GPC3: variants seen among roughly 807,000 people sequenced by gnomAD.
GPC3 encodes the protein glypican 3.
A neutral mutation model predicts 34.4 loss-of-function variants in GPC3; 3 were observed. The ratio of observed to expected loss-of-function variants is 0.09; its 90% CI spans 0.04 to 0.23. The LOEUF (loss-of-function observed/expected upper bound fraction) is 0.23, where lower values mean the gene tolerates loss of function less well. Ranked by LOEUF, GPC3 falls within the 10% of genes least tolerant of loss-of-function variation. The probability of loss-of-function intolerance (pLI) is 1.00; values close to 1 mark genes in which losing one functional copy is unlikely to be tolerated. For missense variants in GPC3, 351 were observed against 445.6 expected (o/e 0.79, Z 1.91); for synonymous variants, 177 against 174.0 (o/e 1.02, Z -0.13).
chrX:133,753,914 T>C lies in GPC3; in HGVS notation c.600A>G (p.Gly200=). The change falls in exon 3 of 8, where the codon GGA becomes GGG. Residue 200 remains glycine, a synonymous_variant. Transcript: ENST00000370818. ...SALDINECLR[G]ARRDLKVFGN... is the part of the protein sequence containing the mutation. ...CAAATACTTTCAGGTCACGTCTTGC[T>C]CCTCGGAGGCACTCATTGATGTCCA... 2 of 1,211,554 alleles carry C rather than the reference T, an allele frequency of 1.7e-6. No homozygotes were observed. Among genetic ancestry groups the C allele is most frequent in the Non-Finnish European group, 2.2e-6 (2 of 895,338 alleles).
chrX:133,687,818 T>C (rs1245910024), intron 5 of GPC3, among the ~76,000 whole-genome samples: 1 of 112,056 alleles, frequency 8.9e-6, no homozygotes, highest in Non-Finnish European at 1.9e-5. Flanking sequence ...AGTTCCTGTG[T>C]TATACTAATT....
chrX:133,538,554 C>T (rs2069314212), intron 7 of GPC3, among the ~76,000 whole-genome samples: 1 of 110,812 alleles, frequency 9.0e-6, no homozygotes, highest in Non-Finnish European at 1.9e-5. Flanking sequence ...TAACTTTCAA[C>T]AGTTTTGTTT....
chrX:133,841,215 A>ATTCTTTTTTTTTTTTTTTTTTTTTT (rs2075822501), intron 2 of GPC3, among the ~76,000 whole-genome samples: 1 of 39,248 alleles, frequency 2.5e-5, no homozygotes, highest in Non-Finnish European at 5.4e-5. Flanking sequence ...TAATCTTTTA[A>ATTCTTTTTTTTTTTTTTTTTTTTTT]TTTTTTTTTT....
intron 6 of GPC3, among the ~76,000 whole-genome samples, chrX:133,643,831 G>GTTTTTTTTTTTTTTTTTTTTT (rs778326133): frequency 3.1e-5 from 3 of 96,998 alleles, no homozygotes; most frequent in African/African-American, 1.2e-4. Context: ...TTGTTTTTAT[G>GTTTTTTTTTTTTTTTTTTTTT]TTTTTTTTTT....
At chrX:133,651,237 G>A (rs182972560) in intron 6 of GPC3, among the ~76,000 whole-genome samples, 38 of 108,634 alleles carry the variant, frequency 3.5e-4, no homozygotes, top group African/African-American at 1.3e-3. Flanking sequence ...AGGCTGGAGT[G>A]CAGTGGCGCG....
At chrX:133,936,522 G>A (rs148557001) in intron 2 of GPC3, among the ~76,000 whole-genome samples, 126 of 111,268 alleles carry the variant, frequency 1.1e-3, no homozygotes, top group African/African-American at 3.8e-3. Flanking sequence ...TGCTAACAAC[G>A]GCTTGTGAAA....
At chrX:133,581,068 C>T (rs766397779) in intron 7 of GPC3, among the ~76,000 whole-genome samples, 158 of 112,439 alleles carry the variant, frequency 1.4e-3, no homozygotes, top group African/African-American at 4.8e-3. Flanking sequence ...TCTTCTACAG[C>T]GAGGCTGAAC....
At chrX:133,671,027 G>T in intron 5 of GPC3, 1 of 550,713 alleles carries the variant, frequency 1.8e-6, no homozygotes, top group South Asian at 2.3e-5. Context: ...GACTACTTCA[G>T]GGGAAACAAA....
At chrX:133,800,511 G>A (rs2075603861) in intron 2 of GPC3, among the ~76,000 whole-genome samples, 1 of 112,062 alleles carries the variant, frequency 8.9e-6, no homozygotes, top group African/African-American at 3.2e-5. Context: ...TTATTATGGT[G>A]TCAGGAGACG....
At chrX:133,679,375 T>C (rs779847518) in intron 5 of GPC3, among the ~76,000 whole-genome samples, 144 of 111,373 alleles carry the variant, frequency 1.3e-3, no homozygotes, top group Non-Finnish European at 1.7e-3. Flanking sequence ...CTCATATGCG[T>C]TTTCTTATTG....
intron 6 of GPC3, among the ~76,000 whole-genome samples, chrX:133,654,322 TAC>T (rs1001835376): frequency 9.0e-6 from 1 of 111,669 alleles, no homozygotes. Flanking sequence ...AGTATTTGAA[TAC>T]ACACACACAT....
intron 2 of GPC3, among the ~76,000 whole-genome samples, chrX:133,791,827 TCCTTCCTTCCTTCCTTCCTTCCTC>T (rs1278071362): frequency 1.5e-4 from 14 of 95,756 alleles, no homozygotes; most frequent in African/African-American, 3.5e-4. Flanking sequence ...CTTCCTTCCT[TCCTTCCTTCCTTCCTTCCTTCCTC>T]CCTCCCTCCC....
At chrX:133,889,279 C>G (rs1211753546) in intron 2 of GPC3, among the ~76,000 whole-genome samples, 1 of 112,268 alleles carries the variant, frequency 8.9e-6, no homozygotes, top group Admixed American at 9.5e-5. Context: ...AAGTTGTTTG[C>G]TCTCAAACAT....
chrX:133,754,896 C>A (rs139043678), intron 2 of GPC3, among the ~76,000 whole-genome samples: 1 of 112,196 alleles, frequency 8.9e-6, no homozygotes, highest in African/African-American at 3.2e-5. Context: ...ACTAAGCTTC[C>A]TTGCTAAGTT....
rs182955046 is a variant in GPC3 at position 133,714,240 on chromosome X, T to G, written c.1033-14212A>C. 3.6e-5 allele frequency among the ~76,000 whole-genome samples: 4 copies of G among 111,690 alleles called. No homozygotes were observed. In the Admixed American group the frequency reaches 3.8e-4, roughly 11 times the overall value. ...AAACCAGATTGAGTGCAGAAGAAGA[T>G]ACGAGAATCCAGCTGTCTACCATTA... On this transcript the variant is annotated intron_variant, in intron 3 of 7. Transcript: ENST00000370818.
intron 2 of GPC3, among the ~76,000 whole-genome samples, chrX:133,821,906 G>A (rs141020998): frequency 2.5e-3 from 276 of 111,454 alleles, no homozygotes; most frequent in Non-Finnish European, 4.0e-3. Context: ...AAGAGTCATC[G>A]TTGAATTGGC....
chrX:133,894,025 T>A (rs1395900809), intron 2 of GPC3, among the ~76,000 whole-genome samples: 5 of 110,860 alleles, frequency 4.5e-5, no homozygotes, highest in Non-Finnish European at 9.4e-5. Flanking sequence ...GTATTTTTAG[T>A]AGAGACAGGG....
chrX:133,631,570 G>A (rs1370504348), intron 6 of GPC3, among the ~76,000 whole-genome samples: 3 of 111,971 alleles, frequency 2.7e-5, no homozygotes, highest in Non-Finnish European at 5.6e-5. Context: ...CTATGAACAT[G>A]AGTGTTCAAA....
At chrX:133,620,520 G>C (rs974373434) in intron 6 of GPC3, among the ~76,000 whole-genome samples, 3 of 110,943 alleles carry the variant, frequency 2.7e-5, no homozygotes, top group African/African-American at 9.9e-5. Context: ...AAAATTCTAA[G>C]GCCCCTCAAC....
Sources: allele counts gnomAD v4.1 joint callset (sites outside exome capture counted in the v4.1 genomes callset), GRCh38; gene constraint gnomAD v4.1.1; transcripts MANE v1.5; gene names NCBI Gene and HGNC (gene_info 2026-07-23, HGNC 2026-07-21).